The following CTNNA3 variants were observed in gnomAD, a reference collection of about 807,000 sequenced individuals.
CTNNA3 encodes catenin alpha 3.
A neutral mutation model predicts 95.7 loss-of-function variants in CTNNA3; 76 were observed. That is an observed-to-expected ratio of 0.79 (90% CI 0.66 to 0.96). The LOEUF is 0.96. CTNNA3 is among the 40% of genes least tolerant of loss of function. The probability of loss-of-function intolerance (pLI) is 0.00; values close to 1 mark genes in which losing one functional copy is unlikely to be tolerated. For missense variants in CTNNA3, 1,191 were observed against 1,089.8 expected (o/e 1.09, Z -1.31); for synonymous variants, 431 against 374.4 (o/e 1.15, Z -1.74).
rs1181620968 is a variant in CTNNA3, at chr10:67,577,666, A to ATG, written c.292+29189_292+29190dup. Among the ~76,000 whole-genome samples, 13 of 149,666 alleles carry ATG rather than the reference A, an allele frequency of 8.7e-5. No individual in the cohort carries two copies. In the East Asian group the frequency reaches 9.9e-4, roughly 11 times the overall value. ...TGTATGTGTATATATATACACACAT[A>ATG]TGTGTGTGTGTGTATGTGTATATAT... On this transcript the variant is annotated intron_variant, in intron 3 of 17. Coordinates refer to ENST00000433211, the MANE Select transcript of CTNNA3 (RefSeq NM_013266.4).
At chr10:66,360,982 A>G (rs2092669796) in intron 12 of CTNNA3, among the ~76,000 whole-genome samples, 1 of 142,970 alleles carries the variant, frequency 7.0e-6, no homozygotes. Flanking sequence ...TAAGAGATGG[A>G]GTCTCACTCC....
chr10:66,551,918 T>C lies in CTNNA3; in HGVS notation c.1375-31145A>G, dbSNP rs1269237930. 1.1e-4 allele frequency among the ~76,000 whole-genome samples: 15 copies of C among 139,404 alleles called. 1 individual carries two copies. The highest frequency in any genetic ancestry group is 4.7e-4 in the South Asian group (2 of 4,268). 91.5% of individuals were successfully genotyped at this position (139,404 alleles called of 152,430 possible). A position where few individuals can be genotyped will look rare whatever the true frequency, so the allele number is the denominator to read the frequency against. ...TTCCTTTTTTTTTTTTTTTTTTTTT[T>C]CTGAGACAGAGTCTCGCTCTGTCGC... On this transcript the variant is annotated intron_variant, in intron 10 of 17. Coordinates refer to ENST00000433211, the MANE Select transcript of CTNNA3 (RefSeq NM_013266.4).
intron 7 of CTNNA3, among the ~76,000 whole-genome samples, chr10:67,136,946 G>T (rs1860332727): frequency 6.6e-6 from 1 of 152,114 alleles, no homozygotes; most frequent in African/African-American, 2.4e-5. Context: ...GAGAGAGTAG[G>T]GGGCATATAA....
intron 2 of CTNNA3, among the ~76,000 whole-genome samples, chr10:67,609,057 T>G (rs1589483980): frequency 8.3e-6 from 1 of 120,170 alleles, no homozygotes; most frequent in African/African-American, 3.4e-5. Context: ...GCCATTGCAC[T>G]CCAGCCTGGG....
chr10:66,273,019 C>G (rs993311519), intron 13 of CTNNA3, among the ~76,000 whole-genome samples: 7 of 152,124 alleles, frequency 4.6e-5, no homozygotes, highest in Non-Finnish European at 1.0e-4. Flanking sequence ...AAACTAATAC[C>G]AGTTTCTTTT....
chr10:66,373,333 T>C (rs2092768243), intron 12 of CTNNA3, among the ~76,000 whole-genome samples: 1 of 152,130 alleles, frequency 6.6e-6, no homozygotes, highest in Admixed American at 6.6e-5. Context: ...GGGTCCTATA[T>C]AAATCCAGTC....
At chr10:66,049,141 C>T (rs889838793) in intron 15 of CTNNA3, among the ~76,000 whole-genome samples, 10 of 152,286 alleles carry the variant, frequency 6.6e-5, no homozygotes, top group South Asian at 2.1e-4. Context: ...TGAACAGACA[C>T]TTCTCAAAAG....
chr10:67,361,993 T>C (rs1214038120), intron 5 of CTNNA3, among the ~76,000 whole-genome samples: 1 of 152,032 alleles, frequency 6.6e-6, no homozygotes, highest in Non-Finnish European at 1.5e-5. Flanking sequence ...ATGAACACTA[T>C]CTATGCATAC....
At chr10:66,450,525 G>A (rs1270513937) in intron 11 of CTNNA3, among the ~76,000 whole-genome samples, 1 of 152,046 alleles carries the variant, frequency 6.6e-6, no homozygotes, top group Non-Finnish European at 1.5e-5. Context: ...TCATTTCACA[G>A]TGAATAAGAA....
intron 1 of CTNNA3, among the ~76,000 whole-genome samples, chr10:67,654,630 G>A (rs1839969905): frequency 6.6e-6 from 1 of 151,974 alleles, no homozygotes; most frequent in East Asian, 1.9e-4. Context: ...TGGGACCACA[G>A]GCGCGCACCA....
chr10:67,158,968 G>GT (rs1157713472), intron 7 of CTNNA3, among the ~76,000 whole-genome samples: 1 of 152,080 alleles, frequency 6.6e-6, no homozygotes, highest in East Asian at 1.9e-4. Context: ...CTCAGTACCT[G>GT]TTTTTAAAAA....
At chr10:67,229,943 T>C (rs1186947806) in intron 5 of CTNNA3, among the ~76,000 whole-genome samples, 1 of 152,056 alleles carries the variant, frequency 6.6e-6, no homozygotes, top group Non-Finnish European at 1.5e-5. Flanking sequence ...AATACTACCA[T>C]CATTCTTCAC....
chr10:67,726,088 A>T (rs923582473), intron 1 of CTNNA3, among the ~76,000 whole-genome samples: 9 of 121,118 alleles, frequency 7.4e-5, no homozygotes, highest in Non-Finnish European at 1.3e-4. Context: ...ATTATATATT[A>T]TAATATATAA....
intron 2 of CTNNA3, among the ~76,000 whole-genome samples, chr10:67,627,150 G>A (rs1303109292): frequency 6.6e-6 from 1 of 152,126 alleles, no homozygotes; most frequent in Non-Finnish European, 1.5e-5. Flanking sequence ...TCCTACTGTG[G>A]CTTGTTGAGC....
chr10:66,073,748 T>G (rs2080489851), intron 14 of CTNNA3, among the ~76,000 whole-genome samples: 1 of 152,054 alleles, frequency 6.6e-6, no homozygotes, highest in African/African-American at 2.4e-5. Flanking sequence ...TGATTCAATC[T>G]TTCTGAATAT....
intron 5 of CTNNA3, among the ~76,000 whole-genome samples, chr10:67,430,338 G>C (rs540868686): frequency 1.3e-5 from 2 of 151,850 alleles, no homozygotes; most frequent in African/African-American, 4.8e-5. Context: ...TGTAATCAAG[G>C]CAGTATCACT....
intron 15 of CTNNA3, among the ~76,000 whole-genome samples, chr10:66,011,596 A>T (rs181042660): frequency 2.0e-5 from 3 of 152,344 alleles, no homozygotes; most frequent in African/African-American, 7.2e-5. Context: ...TTACAAAAAA[A>T]AATTGATGTG....
At chr10:66,817,518 T>G (rs1392961498) in intron 7 of CTNNA3, among the ~76,000 whole-genome samples, 8 of 151,970 alleles carry the variant, frequency 5.3e-5, no homozygotes, top group Admixed American at 5.2e-4. Context: ...GTTTAAATAT[T>G]ATAAGGAATA....
chr10:66,297,707 T>C (rs1016429200), intron 12 of CTNNA3, among the ~76,000 whole-genome samples: 1 of 152,170 alleles, frequency 6.6e-6, no homozygotes, highest in Non-Finnish European at 1.5e-5. Flanking sequence ...AGTTAAGCAG[T>C]CACTGCAACC....
Sources: gnomAD v4.1 joint callset for allele counts (sites outside exome capture counted in the v4.1 genomes callset) on GRCh38, gnomAD v4.1.1 for gene constraint, MANE v1.5 for transcripts, NCBI Gene and HGNC (gene_info 2026-07-23, HGNC 2026-07-21) for gene names.